Variants in FAT4 observed in about 807,000 individuals in gnomAD.
FAT4 encodes protocadherin Fat 4.
FAT4 carries 84 observed loss-of-function variants against 303.9 expected under a neutral mutation model. That is an observed-to-expected ratio of 0.28 (90% CI 0.23 to 0.33). FAT4 has a LOEUF of 0.33. Among genes scored for constraint, FAT4 ranks in the 10% least tolerant of loss-of-function variants. The probability of loss-of-function intolerance (pLI) is 1.00; values close to 1 mark genes in which losing one functional copy is unlikely to be tolerated. For missense variants in FAT4, 6,005 were observed against 6,146.8 expected, an observed-to-expected ratio of 0.98 and a Z score of 0.77; for synonymous variants, 2,307 against 2,298.8, an observed-to-expected ratio of 1.00 and a Z score of -0.10.
intron 11 of FAT4, among the ~76,000 whole-genome samples, chr4:125,468,256 A>G (rs1726735692): frequency 6.6e-6 from 1 of 152,208 alleles, no homozygotes; most frequent in African/African-American, 2.4e-5. Context: ...TTTGAGAAAC[A>G]AAACATACTT....
intron 16 of FAT4, among the ~76,000 whole-genome samples, chr4:125,482,001 T>C (rs899588837): frequency 8.5e-5 from 13 of 152,206 alleles, no homozygotes; most frequent in African/African-American, 2.9e-4. Flanking sequence ...ACACAAAGAA[T>C]TAGTTGCAAT....
chr4:125,323,065 GA>G (rs2125948154), intron 2 of FAT4, among the ~76,000 whole-genome samples: 1 of 152,078 alleles, frequency 6.6e-6, no homozygotes, highest in East Asian at 1.9e-4. Flanking sequence ...TTCTTCTCTG[GA>G]ATGAATACTT....
chr4:125,368,635 A>G (rs920268682), intron 2 of FAT4, among the ~76,000 whole-genome samples: 2 of 151,326 alleles, frequency 1.3e-5, no homozygotes, highest in African/African-American at 4.8e-5. Flanking sequence ...TAAGATTTTT[A>G]AAAAGTATGA....
At chr4:125,363,629 G>A (rs1732755157) in intron 2 of FAT4, among the ~76,000 whole-genome samples, 2 of 151,784 alleles carry the variant, frequency 1.3e-5, no homozygotes, top group Non-Finnish European at 2.9e-5. Flanking sequence ...CCAAGTAGCT[G>A]GGACAACAGG....
chr4:125,355,641 T>C (rs1732395705), intron 2 of FAT4, among the ~76,000 whole-genome samples: 2 of 152,078 alleles, frequency 1.3e-5, no homozygotes, highest in Non-Finnish European at 2.9e-5. Context: ...ATGCCTTTTA[T>C]GATACAGGTA....
At chr4:125,337,865 A>C (rs1374523338) in intron 2 of FAT4, among the ~76,000 whole-genome samples, 1 of 152,154 alleles carries the variant, frequency 6.6e-6, no homozygotes, top group Non-Finnish European at 1.5e-5. Context: ...GGGTACAATC[A>C]TGACTTGGGG....
chr4:125,348,383 G>A (rs76115417), intron 2 of FAT4, among the ~76,000 whole-genome samples: 2 of 151,670 alleles, frequency 1.3e-5, no homozygotes, highest in African/African-American at 4.8e-5. Context: ...TTTATGTAGG[G>A]TGTAAACTTC....
chr4:125,475,146 A>G (rs562941331), intron 12 of FAT4, among the ~76,000 whole-genome samples: 28 of 152,224 alleles, frequency 1.8e-4, no homozygotes, highest in African/African-American at 5.8e-4. Context: ...CCTGTGATAT[A>G]CTGGCACTAC....
Position 125,321,979 on chromosome 4 carries a change from A to G in FAT4, c.5175+393A>G, listed in dbSNP as rs945044326. Among the ~76,000 whole-genome samples, 3 of 152,198 alleles carry G rather than the reference A, an allele frequency of 2.0e-5. No homozygotes were observed. In the East Asian group the frequency reaches 5.8e-4, roughly 29 times the overall value. ...ATTAAGAAGACCTATTCCAAAATGA[A>G]GAGCTTTGGTAGGAATCAGCATTGT... On this transcript the variant is annotated intron_variant, in intron 2 of 17. Transcript: ENST00000394329.
At position 125,416,468 on chromosome 4, in the gene FAT4, T is replaced by G; in HGVS notation, c.6864T>G (p.Asp2288Glu). 6.2e-7 allele frequency: 1 copy of G among 1,613,774 alleles called. No individual in the cohort carries two copies. The change falls in exon 7 of 18, where the codon GAT becomes GAG. Residue 2288 changes from aspartate (D) to glutamate (E), a missense_variant. By Grantham distance (45) the Asp-to-Glu change is conservative. Transcript: ENST00000394329. ...TILQVVARDDDRGSNSKLSYV... is the reference protein window; with the variant it reads ...TILQVVARDDERGSNSKLSYV... ...TACAGGTGGTGGCAAGAGATGATGA[T>G]CGAGGATCTAACAGCAAACTCTCAT... is the stretch of plus-strand genomic sequence containing the variant.
chr4:125,381,751 T>G (rs762285874), intron 2 of FAT4, among the ~76,000 whole-genome samples: 2 of 152,182 alleles, frequency 1.3e-5, no homozygotes, highest in Admixed American at 1.3e-4. Flanking sequence ...AAGATTTCTC[T>G]GTAGCATTCA....
At position 125,450,847 on chromosome 4, in the gene FAT4, A is replaced by G; in HGVS notation, c.9837A>G (p.Glu3279=). The change falls in exon 10 of 18, where the codon GAA becomes GAG. Residue 3279 remains glutamate (E), a synonymous_variant. Coordinates refer to ENST00000394329, the MANE Select transcript of FAT4 (RefSeq NM_001291303.3). ...TVKAFNVPDE[E]RCSFATVNIQ... is the part of the protein sequence containing the mutation. Reference sequence around the variant, plus strand: ...AAGCCTTCAATGTCCCCGATGAGGAAAGGTGTAGCTTTGCCACTGTTAATA... The same window carrying G: ...AAGCCTTCAATGTCCCCGATGAGGAGAGGTGTAGCTTTGCCACTGTTAATA... 1.2e-6 allele frequency: 2 copies of G among 1,614,152 alleles called. No homozygotes were observed. Among genetic ancestry groups the G allele is most frequent in the African/African-American group, 1.3e-5 (1 of 75,054 alleles).
intron 2 of FAT4, among the ~76,000 whole-genome samples, chr4:125,367,848 A>C (rs190798366): frequency 1.4e-4 from 22 of 152,242 alleles, no homozygotes; most frequent in African/African-American, 5.3e-4. Context: ...ACTTTTGCCA[A>C]CTAACTTACC....
chr4:125,406,052 T>G (rs1734593036), intron 3 of FAT4, among the ~76,000 whole-genome samples: 1 of 152,310 alleles, frequency 6.6e-6, no homozygotes, highest in South Asian at 2.1e-4. Context: ...CTGCTTTTGC[T>G]TATGTTGCTT....
At position 125,490,487 on chromosome 4, in the gene FAT4, T is replaced by C. The variant is rs749271894; in HGVS notation, c.13671T>C (p.Ala4557=). The C allele has an allele frequency of 1.9e-6, 3 of 1,614,014 alleles. No homozygotes were observed. Among genetic ancestry groups the C allele is most frequent in the Admixed American group, 1.7e-5 (1 of 59,992 alleles). Reference sequence around the variant, plus strand: ...AGAAAAAGGGAAGTGAGAACGTTGCTTTTGATGACCCTGACAATATCCCTC... The same window carrying C: ...AGAAAAAGGGAAGTGAGAACGTTGCCTTTGATGACCCTGACAATATCCCTC... The part of the protein sequence containing the change: ...EKKKKGSENV[A]FDDPDNIPPY... The change falls in exon 18 of 18, where the codon GCT becomes GCC. Residue 4557 remains alanine (A), a synonymous_variant. Transcript: ENST00000394329.
At position 125,472,842 on chromosome 4, in the gene FAT4, C is replaced by T. The variant is rs1049821874; in HGVS notation, c.12214-3329C>T. On this transcript the variant is annotated intron_variant, in intron 12 of 17. Transcript: ENST00000394329. ...GCTCAGACATGTCATTCACGGATAT[C>T]GCCACATCCATCAAACTGCATTCAG... 6.6e-5 allele frequency among the ~76,000 whole-genome samples: 10 copies of T among 152,210 alleles called. No individual in the cohort carries two copies. In the East Asian group the frequency reaches 1.5e-3, roughly 24 times the overall value.
intron 12 of FAT4, among the ~76,000 whole-genome samples, chr4:125,474,747 T>G (rs936481269): frequency 6.6e-6 from 1 of 152,060 alleles, no homozygotes; most frequent in Non-Finnish European, 1.5e-5. Context: ...AATATATGTT[T>G]TATGGATACT....
intron 2 of FAT4, among the ~76,000 whole-genome samples, chr4:125,348,581 G>C (rs1732094755): frequency 6.6e-6 from 1 of 151,614 alleles, no homozygotes; most frequent in Admixed American, 6.6e-5. Flanking sequence ...ACTCAAGGTA[G>C]TACACTAGAG....
At position 125,411,995 on chromosome 4, in the gene FAT4, G is replaced by T. The variant is rs148715269; in HGVS notation, c.5921-2889G>T. On this transcript the variant is annotated intron_variant, in intron 5 of 17. Transcript: ENST00000394329. ...GGGCTGTTTGAAGTTTAAAGATCTG[G>T]TGGGCCATTAAAGCCCACTAAATTT... 9.2e-3 allele frequency among the ~76,000 whole-genome samples: 1,398 copies of T among 151,632 alleles called. 9 individuals are homozygous for T. Among genetic ancestry groups the T allele is most frequent in the Non-Finnish European group, 0.016 (1,116 of 67,662 alleles).
Sources: gnomAD v4.1 joint callset for allele counts (sites outside exome capture counted in the v4.1 genomes callset) on GRCh38, gnomAD v4.1.1 for gene constraint, MANE v1.5 for transcripts, NCBI Gene and HGNC (gene_info 2026-07-23, HGNC 2026-07-21) for gene names.